The following MTUS2 variants were observed in gnomAD, a reference collection of about 807,000 sequenced individuals.
MTUS2 encodes microtubule-associated tumor suppressor candidate 2.
MTUS2 carries 40 observed loss-of-function variants against 114.1 expected under a neutral mutation model. The observed-to-expected ratio is 0.35, with a 90% CI of 0.27 to 0.46. The LOEUF (loss-of-function observed/expected upper bound fraction) is 0.46. Ranked by LOEUF, MTUS2 falls within the 20% of genes least tolerant of loss-of-function variation. MTUS2 has a pLI of 1.00. For synonymous variants in MTUS2, 688 were observed against 672.0 expected (o/e 1.02, Z -0.37); for missense variants, 1,679 against 1,705.4 (o/e 0.98, Z 0.27).
intron 2 of MTUS2, among the ~76,000 whole-genome samples, chr13:28,949,075 A>G (rs545594613): frequency 2.0e-5 from 3 of 151,854 alleles, no homozygotes; most frequent in Admixed American, 6.6e-5. Flanking sequence ...AAATGTTTAA[A>G]TTTTTTTTTC....
At chr13:28,879,697 A>C (rs1381622801) in intron 2 of MTUS2, among the ~76,000 whole-genome samples, 1 of 152,220 alleles carries the variant, frequency 6.6e-6, no homozygotes, top group Non-Finnish European at 1.5e-5. Context: ...TTTCCATCAA[A>C]TAATAAAGCC....
At chr13:29,279,513 T>C (rs1294470376) in intron 5 of MTUS2, among the ~76,000 whole-genome samples, 3 of 152,196 alleles carry the variant, frequency 2.0e-5, no homozygotes, top group Non-Finnish European at 2.9e-5. Flanking sequence ...ACTGGGAGCA[T>C]TTATAGAATT....
At chr13:29,156,824 C>T (rs756731120) in intron 5 of MTUS2, among the ~76,000 whole-genome samples, 25 of 152,068 alleles carry the variant, frequency 1.6e-4, no homozygotes, top group Non-Finnish European at 2.8e-4. Context: ...GAATTTTTCC[C>T]GCTTTGTTAC....
At chr13:29,166,905 A>G (rs1430545883) in intron 5 of MTUS2, among the ~76,000 whole-genome samples, 3 of 152,238 alleles carry the variant, frequency 2.0e-5, no homozygotes, top group East Asian at 1.9e-4. Context: ...GTTGCTTTTC[A>G]GTATGCTCCT....
At chr13:28,877,741 T>C (rs1878032979) in intron 2 of MTUS2, among the ~76,000 whole-genome samples, 1 of 152,198 alleles carries the variant, frequency 6.6e-6, no homozygotes, top group Non-Finnish European at 1.5e-5. Flanking sequence ...ATATGGGATA[T>C]GTATATTTTA....
intron 3 of MTUS2, among the ~76,000 whole-genome samples, chr13:29,030,082 T>G (rs1352540548): frequency 2.6e-5 from 4 of 152,250 alleles, no homozygotes; most frequent in African/African-American, 9.6e-5. Context: ...TAATTCTTTC[T>G]TTGTGCCCTT....
At chr13:29,008,610 G>C (rs1236673599) in intron 2 of MTUS2, among the ~76,000 whole-genome samples, 1 of 152,156 alleles carries the variant, frequency 6.6e-6, no homozygotes, top group Non-Finnish European at 1.5e-5. Context: ...ATTCACCCTT[G>C]ATTTGATAGT....
In MTUS2 at chr13:29,026,486, G is replaced by A; in HGVS notation, c.1788G>A (p.Gly596=). Reference sequence around the variant, plus strand: ...CTGACAAGAACACTTGCCCCAGTGGGATCCCCAAGCCTGTCTTCACACATT... The same window carrying A: ...CTGACAAGAACACTTGCCCCAGTGGAATCCCCAAGCCTGTCTTCACACATT... ...KVPDKNTCPS[G]IPKPVFTHSK... Residue 596 remains glycine, a synonymous_variant, in exon 3 of 16, where the codon GGG becomes GGA. Transcript: ENST00000612955. 1 of 1,613,974 alleles carries A rather than the reference G, an allele frequency of 6.2e-7. No homozygotes were observed. The highest frequency in any genetic ancestry group is 1.1e-5 in the South Asian group (1 of 91,080).
At chr13:29,372,350 G>A (rs191779900) in intron 8 of MTUS2, among the ~76,000 whole-genome samples, 2 of 152,160 alleles carry the variant, frequency 1.3e-5, no homozygotes, top group Non-Finnish European at 2.9e-5. Flanking sequence ...ACAGCATTCA[G>A]TATCTGCAAT....
chr13:29,279,321 G>A (rs73168236), intron 5 of MTUS2, among the ~76,000 whole-genome samples: 5,922 of 152,186 alleles, frequency 0.039, 379 homozygotes, highest in East Asian at 0.26. Flanking sequence ...AATTTCCTGG[G>A]TTGTTCAGGC....
At chr13:29,087,914 C>G (rs1192828758) in intron 4 of MTUS2, among the ~76,000 whole-genome samples, 1 of 152,026 alleles carries the variant, frequency 6.6e-6, no homozygotes, top group Non-Finnish European at 1.5e-5. Context: ...AAAAAATTAG[C>G]CAGGCGTGGT....
At chr13:28,874,761 G>A (rs1877832682) in intron 2 of MTUS2, among the ~76,000 whole-genome samples, 1 of 152,226 alleles carries the variant, frequency 6.6e-6, no homozygotes, top group African/African-American at 2.4e-5. Flanking sequence ...ATGGAGCTAT[G>A]TAAGGACAGG....
chr13:29,033,847 T>C (rs754270078), intron 3 of MTUS2, 38 bp from the exon 4 acceptor site: 9 of 1,611,406 alleles, frequency 5.6e-6, no homozygotes, highest in South Asian at 1.1e-5. Flanking sequence ...CACTATGATG[T>C]GAAGGTCTCT....
intron 8 of MTUS2, among the ~76,000 whole-genome samples, chr13:29,427,558 T>C (rs1566194173): frequency 6.6e-6 from 1 of 152,232 alleles, no homozygotes; most frequent in Non-Finnish European, 1.5e-5. Context: ...ATTATGCTAA[T>C]TTACCTGTTA....
chr13:28,828,040 C>T (rs183719244), intron 1 of MTUS2, among the ~76,000 whole-genome samples: 36 of 152,234 alleles, frequency 2.4e-4, no homozygotes, highest in Admixed American at 1.7e-3. Flanking sequence ...AGCCTGGGAG[C>T]GCTACGGGAG....
chr13:29,270,145 C>T (rs1897825841), intron 5 of MTUS2, among the ~76,000 whole-genome samples: 1 of 152,018 alleles, frequency 6.6e-6, no homozygotes, highest in Admixed American at 6.6e-5. Context: ...CAGGTTTATG[C>T]CTCGAGTTAA....
intron 8 of MTUS2, among the ~76,000 whole-genome samples, chr13:29,409,691 G>C (rs1405030848): frequency 6.6e-6 from 1 of 152,066 alleles, no homozygotes. Flanking sequence ...TTACACAAAA[G>C]ATAGGATACT....
chr13:29,073,199 C>A (rs1889024328), intron 4 of MTUS2, among the ~76,000 whole-genome samples: 1 of 152,080 alleles, frequency 6.6e-6, no homozygotes, highest in African/African-American at 2.4e-5. Context: ...ATTCTAATAA[C>A]CCAAAAATGC....
At chr13:29,312,109 A>T (rs974692198) in intron 6 of MTUS2, among the ~76,000 whole-genome samples, 3 of 152,106 alleles carry the variant, frequency 2.0e-5, no homozygotes, top group Non-Finnish European at 4.4e-5. Flanking sequence ...CGCATACTTC[A>T]TGTCTCAGCT....
Sources: gnomAD v4.1 joint callset for allele counts (sites outside exome capture counted in the v4.1 genomes callset) on GRCh38, gnomAD v4.1.1 for gene constraint, MANE v1.5 for transcripts, NCBI Gene and HGNC (gene_info 2026-07-23, HGNC 2026-07-21) for gene names.